Variants in ZFHX4 observed in about 807,000 individuals in gnomAD.
ZFHX4 encodes the protein zinc finger homeobox protein 4.
In ZFHX4, 56 loss-of-function variants were observed where a neutral mutation model predicts 267.6. That is an observed-to-expected ratio of 0.21 (90% CI 0.17 to 0.26). The LOEUF is 0.26. ZFHX4 is among the 10% of genes least tolerant of loss of function. The pLI, the probability that ZFHX4 is intolerant of heterozygous loss-of-function variation, is 1.00. For synonymous variants in ZFHX4, 1,778 were observed against 1,665.6 expected (o/e 1.07, Z -1.64); for missense variants, 4,332 against 4,420.0 (o/e 0.98, Z 0.56).
intron 3 of ZFHX4, among the ~76,000 whole-genome samples, chr8:76,777,546 T>C (rs1383413953): frequency 2.0e-5 from 3 of 152,212 alleles, no homozygotes; most frequent in African/African-American, 7.2e-5. Context: ...GTTTATTCCA[T>C]GCATGCAGAT....
rs951925222 is a variant in ZFHX4 at position 76,854,638 on chromosome 8, A to T, written c.7717A>T (p.Thr2573Ser). The T allele has an allele frequency of 3.7e-6, 6 of 1,613,646 alleles. No homozygotes were observed. The highest frequency in any genetic ancestry group is 1.7e-5 in the Admixed American group (1 of 60,008). The change falls in exon 10 of 11, where the codon ACG (threonine) becomes TCG (serine). Residue 2573 changes from threonine to serine, a missense_variant. Thr to Ser is a moderately conservative substitution (Grantham distance 58). Around this residue, in one of 7 missense-constraint regions of ZFHX4, gnomAD observed 1,648 missense variants for 1,625.0 expected, o/e 1.01. Transcript: ENST00000651372. ...TTCCTCCCACACCACAGCCCCCACA[A>T]CGGTTGCTGCTTCCCTAAAAAGGAA... ...ASSSHTTAPTTVAASLKRKLD... is the reference protein window; with the variant it reads ...ASSSHTTAPTSVAASLKRKLD...
At chr8:76,733,624 T>C (rs1803020265) in intron 3 of ZFHX4, 1 of 152,242 alleles carries the variant, frequency 6.6e-6, no homozygotes, top group Non-Finnish European at 1.5e-5. Context: ...TCATTTACTT[T>C]AGTAAATATT....
In ZFHX4 at chr8:76,849,580, ACAG is replaced by A; in HGVS notation, c.3717_3719del (p.Gln1239del). On this transcript the variant is annotated inframe_deletion, in exon 8 of 11. Transcript: ENST00000651372. ...GTCGTATCCAGATGCACGTCCTATC[ACAG>A]CACTCGGTGCAGCCGGTCATCTGCT... 1 of 1,613,992 alleles carries A rather than the reference ACAG, an allele frequency of 6.2e-7. No homozygotes were observed. Among genetic ancestry groups the A allele is most frequent in the Non-Finnish European group, 8.5e-7 (1 of 1,179,870 alleles).
chr8:76,787,177 C>T (rs2131797187), intron 4 of ZFHX4, among the ~76,000 whole-genome samples: 1 of 152,262 alleles, frequency 6.6e-6, no homozygotes, highest in Non-Finnish European at 1.5e-5. Context: ...CCAACAAAAA[C>T]ATGTCTTTGC....
At chr8:76,777,671 C>T (rs541781008) in intron 3 of ZFHX4, among the ~76,000 whole-genome samples, 43 of 152,158 alleles carry the variant, frequency 2.8e-4, no homozygotes, top group African/African-American at 9.4e-4. Context: ...TGAGTTTGTG[C>T]TACACTAAAA....
In ZFHX4 at chr8:76,863,892, C is replaced by T. The variant is rs758752278; in HGVS notation, c.10178C>T (p.Thr3393Ile). The change falls in exon 11 of 11, where the codon ACT becomes ATT. Residue 3393 changes from threonine to isoleucine, a missense_variant. This residue lies in a region of ZFHX4 where 1,648 missense variants were observed against 1,625.0 expected (regional missense o/e 1.01). Transcript: ENST00000651372. ...LESKSADFSD[T>I]YVVPFVKYEF... ...TCCAAAAGTGCAGACTTTTCAGACA[C>T]TTACGTTGTTCCATTCGTCAAGTAT... is the stretch of plus-strand genomic sequence containing the variant. 3 of 1,571,942 alleles carry T rather than the reference C, an allele frequency of 1.9e-6. No individual in the cohort carries two copies. The highest frequency in any genetic ancestry group is 2.6e-6 in the Non-Finnish European group (3 of 1,157,690).
At position 76,843,973 on chromosome 8, in the gene ZFHX4, G is replaced by T. The variant is rs1293371797; in HGVS notation, c.3511+1202G>T. On this transcript the variant is annotated intron_variant, in intron 6 of 10. Transcript: ENST00000651372. ...AAAGCGTCACTGAGATTTGCTCCTA[G>T]GATATACTGTCTAACATGTGATTCT... 2.6e-5 allele frequency among the ~76,000 whole-genome samples: 4 copies of T among 152,060 alleles called. No individual in the cohort carries two copies. The South Asian group carries it at 8.3e-4, about 32-fold the overall frequency.
At position 76,778,215 on chromosome 8, in the gene ZFHX4, A is replaced by G. The variant is rs1193570105; in HGVS notation, c.3101A>G (p.Gln1034Arg). The G allele has an allele frequency of 5.6e-6, 9 of 1,609,322 alleles. No individual in the cohort carries two copies. Among genetic ancestry groups the G allele is most frequent in the Non-Finnish European group, 7.7e-6 (9 of 1,175,734 alleles). The change falls in exon 4 of 11, where the codon CAG (glutamine) becomes CGG (arginine). Residue 1034 changes from glutamine (Q) to arginine (R), a missense_variant. Gln to Arg is a conservative substitution (Grantham distance 43, BLOSUM62 1). Transcript: ENST00000651372. Reference protein sequence around the residue: ...EAALKLYKHLQKQEGAVNPES... With the variant: ...EAALKLYKHLRKQEGAVNPES... ...GCCTTCCCTTCCTTTCAGCACTTGC[A>G]GAAGCAAGAGGGTGCAGTGAATCCC...
intron 1 of ZFHX4, 44 bp from the exon 2 acceptor site, chr8:76,703,999 A>T: frequency 7.9e-7 from 1 of 1,267,578 alleles, no homozygotes. Flanking sequence ...GAGCTGTGTC[A>T]TTATTTAATA....
intron 1 of ZFHX4, among the ~76,000 whole-genome samples, chr8:76,687,405 C>T (rs772400909): frequency 2.0e-5 from 3 of 152,168 alleles, no homozygotes; most frequent in Non-Finnish European, 4.4e-5. Flanking sequence ...GTTCATTACC[C>T]ATGAAGAGGA....
At chr8:76,821,709 A>C (rs1190796315) in intron 4 of ZFHX4, among the ~76,000 whole-genome samples, 1 of 152,114 alleles carries the variant, frequency 6.6e-6, no homozygotes, top group Non-Finnish European at 1.5e-5. Context: ...ATAAAGAAAA[A>C]ACAGCAATAA....
At chr8:76,761,697 T>G (rs1291479048) in intron 3 of ZFHX4, among the ~76,000 whole-genome samples, 1 of 152,204 alleles carries the variant, frequency 6.6e-6, no homozygotes, top group Non-Finnish European at 1.5e-5. Context: ...TATTTAATAG[T>G]CAAGCTGAAA....
intron 3 of ZFHX4, among the ~76,000 whole-genome samples, chr8:76,765,101 C>G (rs762837562): frequency 7.2e-5 from 11 of 152,138 alleles, no homozygotes; most frequent in Non-Finnish European, 1.3e-4. Flanking sequence ...AAATACCATT[C>G]CGGATATAGT....
chr8:76,736,314 T>C (rs1809159393), intron 3 of ZFHX4, among the ~76,000 whole-genome samples: 2 of 152,098 alleles, frequency 1.3e-5, no homozygotes, highest in South Asian at 2.1e-4. Flanking sequence ...TTGAATTTAG[T>C]TTGAGAAATC....
intron 6 of ZFHX4, among the ~76,000 whole-genome samples, chr8:76,845,989 G>T (rs1472974757): frequency 1.3e-5 from 2 of 151,756 alleles, no homozygotes; most frequent in Non-Finnish European, 2.9e-5. Flanking sequence ...AATCAACAGG[G>T]TTTACTTCAA....
chr8:76,775,895 CTTTTT>C (rs904035424), intron 3 of ZFHX4, among the ~76,000 whole-genome samples: 1 of 122,470 alleles, frequency 8.2e-6, no homozygotes. Flanking sequence ...AGTAAGTTTT[CTTTTT>C]TTTTTTTTTT....
intron 3 of ZFHX4, among the ~76,000 whole-genome samples, chr8:76,725,556 A>T (rs994211574): frequency 2.6e-5 from 4 of 151,952 alleles, no homozygotes; most frequent in Admixed American, 1.3e-4. Flanking sequence ...GATTTGGTTT[A>T]AAAAAAATCA....
intron 6 of ZFHX4, among the ~76,000 whole-genome samples, chr8:76,843,492 G>C (rs1812289231): frequency 6.6e-6 from 1 of 152,100 alleles, no homozygotes; most frequent in African/African-American, 2.4e-5. Flanking sequence ...GCCAGCATCT[G>C]GTGTGGATAC....
intron 3 of ZFHX4, among the ~76,000 whole-genome samples, chr8:76,742,176 G>A (rs1809335485): frequency 6.6e-6 from 1 of 152,134 alleles, no homozygotes; most frequent in African/African-American, 2.4e-5. Flanking sequence ...ACGTTTGGAT[G>A]GTGTAGATAT....
Sources: gnomAD v4.1 joint callset for allele counts (sites outside exome capture counted in the v4.1 genomes callset) on GRCh38, gnomAD v4.1.1 for gene constraint, gnomAD v4.1.1 regional missense constraint, MANE v1.5 for transcripts, NCBI Gene and HGNC (gene_info 2026-07-23, HGNC 2026-07-21) for gene names.